Variants in CBFB observed in about 807,000 individuals in gnomAD.
CBFB encodes CBF-beta.
Under a neutral mutation model 30.4 loss-of-function variants are expected in CBFB, and 9 were observed. The ratio of observed to expected loss-of-function variants is 0.30; its 90% CI spans 0.18 to 0.52. CBFB has a LOEUF of 0.52. Ranked by LOEUF, CBFB falls within the 20% of genes least tolerant of loss-of-function variation. The pLI, the probability that CBFB is intolerant of heterozygous loss-of-function variation, is 0.97. For synonymous variants in CBFB, 94 were observed against 84.0 expected (o/e 1.12, Z -0.65); for missense variants, 170 against 244.0 (o/e 0.70, Z 2.02).
Position 67,061,987 on chromosome 16 carries a change from G to A in CBFB, c.283-4695G>A, listed in dbSNP as rs1217685849. 4.0e-5 allele frequency among the ~76,000 whole-genome samples: 6 copies of A among 151,798 alleles called. No individual in the cohort carries two copies. In the East Asian group the frequency reaches 9.7e-4, roughly 24 times the overall value. ...GTGGAGGTTGCAGTGAGCCGAGATC[G>A]CACCACTGCACTCCAGCCTGGGCAT... On this transcript the variant is annotated intron_variant, in intron 3 of 5. Transcript: ENST00000412916.
intron 4 of CBFB, among the ~76,000 whole-genome samples, chr16:67,067,674 AGCC>A (rs1485525380): frequency 6.6e-6 from 1 of 152,168 alleles, no homozygotes; most frequent in Admixed American, 6.5e-5. Flanking sequence ...GGGCAGGGTA[AGCC>A]ATGAGCACTG....
At chr16:67,072,034 A>T (rs1221286895) in intron 4 of CBFB, among the ~76,000 whole-genome samples, 1 of 152,162 alleles carries the variant, frequency 6.6e-6, no homozygotes, top group African/African-American at 2.4e-5. Flanking sequence ...GAATTAACCA[A>T]AAAACAGTTT....
intron 5 of CBFB, among the ~76,000 whole-genome samples, chr16:67,085,664 A>G (rs1961706915): frequency 1.4e-5 from 2 of 146,116 alleles, no homozygotes; most frequent in African/African-American, 2.5e-5. Context: ...CCAGCCTAAA[A>G]TTTAGTATCT....
chr16:67,045,973 T>G (rs1966621055), intron 3 of CBFB, among the ~76,000 whole-genome samples: 1 of 149,672 alleles, frequency 6.7e-6, no homozygotes, highest in Non-Finnish European at 1.5e-5. Flanking sequence ...TTTTTGTGTT[T>G]TTATTGGAGA....
intron 2 of CBFB, among the ~76,000 whole-genome samples, chr16:67,034,470 T>C (rs1403473462): frequency 6.6e-6 from 1 of 152,220 alleles, no homozygotes; most frequent in African/African-American, 2.4e-5. Flanking sequence ...GGAACAGACT[T>C]TTTCCAACTC....
At chr16:67,081,425 A>G (rs896141374) in intron 4 of CBFB, among the ~76,000 whole-genome samples, 4 of 152,102 alleles carry the variant, frequency 2.6e-5, no homozygotes, top group African/African-American at 9.7e-5. Flanking sequence ...CAGATGTCCA[A>G]CAATGATAGA....
chr16:67,087,196 T>C (rs528893852), intron 5 of CBFB, among the ~76,000 whole-genome samples: 3 of 152,306 alleles, frequency 2.0e-5, no homozygotes, highest in Admixed American at 1.3e-4. Context: ...TATTTGACAA[T>C]TAATGGAACA....
At chr16:67,053,248 C>CTT (rs576629599) in intron 3 of CBFB, among the ~76,000 whole-genome samples, 389 of 122,598 alleles carry the variant, frequency 3.2e-3, no homozygotes, top group Non-Finnish European at 4.0e-3. Flanking sequence ...CACTTTCTCT[C>CTT]TTTTTTTTTT....
chr16:67,063,098 A>G (rs1216036004), intron 3 of CBFB, among the ~76,000 whole-genome samples: 2 of 152,146 alleles, frequency 1.3e-5, no homozygotes, highest in East Asian at 3.9e-4. Flanking sequence ...CTGAGATGAA[A>G]TAAGGGGTAT....
intron 3 of CBFB, among the ~76,000 whole-genome samples, chr16:67,053,911 A>G (rs1960638972): frequency 6.7e-6 from 1 of 149,746 alleles, no homozygotes; most frequent in Non-Finnish European, 1.5e-5. Context: ...TTCTTTTCAC[A>G]GGAGTGAGTC....
At chr16:67,032,455 T>G (rs1349831006) in intron 2 of CBFB, among the ~76,000 whole-genome samples, 1 of 152,248 alleles carries the variant, frequency 6.6e-6, no homozygotes, top group Non-Finnish European at 1.5e-5. Flanking sequence ...TCTTATTTTG[T>G]TAAATAATGT....
intron 3 of CBFB, among the ~76,000 whole-genome samples, chr16:67,062,388 C>T (rs889387294): frequency 2.7e-5 from 4 of 150,274 alleles, no homozygotes; most frequent in Non-Finnish European, 4.4e-5. Flanking sequence ...GGGCTGGTTT[C>T]GAACTCCTGA....
At chr16:67,034,318 T>C (rs1391568094) in intron 2 of CBFB, among the ~76,000 whole-genome samples, 3 of 152,244 alleles carry the variant, frequency 2.0e-5, no homozygotes, top group Non-Finnish European at 4.4e-5. Context: ...TGCTATTTTA[T>C]AATTTGTGAA....
intron 3 of CBFB, among the ~76,000 whole-genome samples, chr16:67,046,146 A>G (rs1966623845): frequency 6.6e-6 from 1 of 151,258 alleles, no homozygotes; most frequent in Non-Finnish European, 1.5e-5. Flanking sequence ...TCTCTCTGTC[A>G]CCCAGGCTGG....
intron 4 of CBFB, among the ~76,000 whole-genome samples, chr16:67,072,400 T>C (rs564819680): frequency 1.3e-5 from 2 of 152,326 alleles, no homozygotes; most frequent in East Asian, 3.9e-4. Flanking sequence ...TAGTCTCTTA[T>C]TTATATCTGT....
intron 4 of CBFB, among the ~76,000 whole-genome samples, chr16:67,071,793 C>T (rs1414742263): frequency 1.3e-5 from 2 of 152,120 alleles, no homozygotes; most frequent in African/African-American, 4.8e-5. Flanking sequence ...AACAAAGACT[C>T]TTGTTTGTTA....
chr16:67,080,041 G>C (rs2145768034), intron 4 of CBFB, among the ~76,000 whole-genome samples: 1 of 152,292 alleles, frequency 6.6e-6, no homozygotes, highest in Non-Finnish European at 1.5e-5. Flanking sequence ...GCAGTGAGCA[G>C]AGATCACACT....
chr16:67,030,088 C>T, intron 2 of CBFB: 1 of 387,104 alleles, frequency 2.6e-6, no homozygotes, highest in Non-Finnish European at 4.6e-6. Context: ...AAGCGAAGGG[C>T]ATTGTTTAGG....
At chr16:67,041,199 G>A (rs995208769) in intron 3 of CBFB, among the ~76,000 whole-genome samples, 2 of 152,154 alleles carry the variant, frequency 1.3e-5, no homozygotes, top group Non-Finnish European at 2.9e-5. Context: ...GTCAGCTTCC[G>A]AAGTAGCTGG....
Sources: allele counts gnomAD v4.1 joint callset (sites outside exome capture counted in the v4.1 genomes callset), GRCh38; gene constraint gnomAD v4.1.1; transcripts MANE v1.5; gene names NCBI Gene and HGNC (gene_info 2026-07-23, HGNC 2026-07-21).